SLC24A4: variants seen among roughly 807,000 people sequenced by gnomAD.
SLC24A4 encodes the protein solute carrier family 24 member 4.
In SLC24A4, 53 loss-of-function variants were observed where a neutral mutation model predicts 79.0. The ratio of observed to expected loss-of-function variants is 0.67; its 90% CI spans 0.54 to 0.84. The LOEUF (loss-of-function observed/expected upper bound fraction) is 0.84, where lower values mean the gene tolerates loss of function less well. Among genes scored for constraint, SLC24A4 ranks in the 40% least tolerant of loss-of-function variants. The pLI, the probability that SLC24A4 is intolerant of heterozygous loss-of-function variation, is 0.00. For synonymous variants in SLC24A4, 323 were observed against 323.8 expected (o/e 1.00, Z 0.03); for missense variants, 731 against 822.0 (o/e 0.89, Z 1.35).
intron 2 of SLC24A4, among the ~76,000 whole-genome samples, chr14:92,327,386 C>T (rs949058386): frequency 6.6e-6 from 1 of 152,200 alleles, no homozygotes; most frequent in African/African-American, 2.4e-5. Flanking sequence ...GGTGTCTCCT[C>T]TCATCAGCCA....
At chr14:92,352,037 TA>T (rs1886925816) in intron 2 of SLC24A4, among the ~76,000 whole-genome samples, 1 of 152,084 alleles carries the variant, frequency 6.6e-6, no homozygotes, top group Non-Finnish European at 1.5e-5. Context: ...CTGTTGGTAG[TA>T]AACAGAAATG....
intron 2 of SLC24A4, among the ~76,000 whole-genome samples, chr14:92,426,667 AG>A (rs1054294593): frequency 1.7e-4 from 26 of 152,154 alleles, no homozygotes; most frequent in African/African-American, 6.0e-4. Context: ...TTGGGACACA[AG>A]GGTGATGGTA....
At position 92,497,532 on chromosome 14, in the gene SLC24A4, T is replaced by C. The variant is rs1057289152; in HGVS notation, c.*3904T>C. 6.6e-6 allele frequency: 1 copy of C among 152,184 alleles called. No individual in the cohort carries two copies. The highest frequency in any genetic ancestry group is 2.4e-5 in the African/African-American group (1 of 41,422). The allele number at this position is 152,184 out of a possible 1,614,324, so 9.4% of individuals were successfully genotyped here. On this transcript the variant is annotated 3_prime_UTR_variant, in exon 17 of 17. Coordinates refer to ENST00000532405, the MANE Select transcript of SLC24A4 (RefSeq NM_153646.4). ...GAGTGGACAGAGGGACAGGAGAGGA[T>C]CAGAGTTCATCCCCCCTGGGAAAGA... is the stretch of plus-strand genomic sequence containing the variant.
intron 2 of SLC24A4, among the ~76,000 whole-genome samples, chr14:92,412,940 A>G (rs1890799630): frequency 6.6e-6 from 1 of 152,230 alleles, no homozygotes. Context: ...ATGACACATG[A>G]GAATGACAGA....
chr14:92,456,023 G>A (rs932631810), intron 11 of SLC24A4, among the ~76,000 whole-genome samples: 12 of 152,146 alleles, frequency 7.9e-5, no homozygotes, highest in African/African-American at 1.2e-4. Context: ...TTTGTATAAT[G>A]TACCTAAAAA....
chr14:92,458,508 G>C (rs559382677), intron 12 of SLC24A4, among the ~76,000 whole-genome samples: 1 of 152,336 alleles, frequency 6.6e-6, no homozygotes, highest in East Asian at 1.9e-4. Flanking sequence ...CACCAGGGCT[G>C]TGTGTGGGAC....
At chr14:92,369,733 T>A (rs1888044092) in intron 2 of SLC24A4, among the ~76,000 whole-genome samples, 1 of 152,204 alleles carries the variant, frequency 6.6e-6, no homozygotes. Context: ...GGGGCTGTCC[T>A]GTACATTATA....
chr14:92,384,673 G>T (rs1889049985), intron 2 of SLC24A4, among the ~76,000 whole-genome samples: 2 of 152,314 alleles, frequency 1.3e-5, no homozygotes, highest in Middle Eastern at 3.4e-3. Flanking sequence ...GGACTTGGAA[G>T]ATACTGAGGC....
chr14:92,400,831 A>G (rs1398186816), intron 2 of SLC24A4, among the ~76,000 whole-genome samples: 1 of 152,180 alleles, frequency 6.6e-6, no homozygotes, highest in Admixed American at 6.5e-5. Context: ...TGGGAGATGC[A>G]TACTTTGCAT....
At chr14:92,456,792 G>C (rs969948328) in intron 12 of SLC24A4, among the ~76,000 whole-genome samples, 184 bp downstream of exon 12, 1 of 152,190 alleles carries the variant, frequency 6.6e-6, no homozygotes, top group East Asian at 1.9e-4. Context: ...CTGTGGGTTA[G>C]AGCTGCAGTG....
intron 2 of SLC24A4, among the ~76,000 whole-genome samples, chr14:92,340,471 G>A (rs1428620326): frequency 1.3e-5 from 2 of 152,240 alleles, no homozygotes; most frequent in African/African-American, 2.4e-5. Context: ...TGCAGTAATA[G>A]GGTGGTGAGA....
intron 1 of SLC24A4, among the ~76,000 whole-genome samples, chr14:92,325,607 G>T (rs1296844958): frequency 2.6e-5 from 4 of 152,194 alleles, no homozygotes; most frequent in Non-Finnish European, 4.4e-5. Flanking sequence ...CCTATGAGGT[G>T]CTGAGACCAC....
At position 92,412,515 on chromosome 14, in the gene SLC24A4, GTCC is replaced by G. The variant is rs374048024; in HGVS notation, c.242-21392_242-21390del. On this transcript the variant is annotated intron_variant, in intron 2 of 16. Transcript: ENST00000532405. The stretch of plus-strand genomic sequence containing the variant: ...GATCTGCATTTGGTGGGACGCTTCT[GTCC>G]TCCTGGGCACAGGGTGTGTGGCCAC... Among the ~76,000 whole-genome samples, 655 of 152,282 alleles carry G rather than the reference GTCC, an allele frequency of 4.3e-3. 2 individuals are homozygous for G. Among genetic ancestry groups the G allele is most frequent in the African/African-American group, 0.015 (619 of 41,542 alleles).
At chr14:92,417,548 T>G (rs1488525230) in intron 2 of SLC24A4, among the ~76,000 whole-genome samples, 2 of 152,224 alleles carry the variant, frequency 1.3e-5, no homozygotes, top group African/African-American at 4.8e-5. Context: ...AAGTGTCCAG[T>G]ATTGATAGAC....
chr14:92,349,065 C>T (rs1007118586), intron 2 of SLC24A4, among the ~76,000 whole-genome samples: 4 of 151,700 alleles, frequency 2.6e-5, no homozygotes, highest in Admixed American at 1.3e-4. Context: ...AATGGGATAA[C>T]CCCCCTCTTC....
chr14:92,343,642 C>CTTTCCT (rs59611953), intron 2 of SLC24A4, among the ~76,000 whole-genome samples: 148 of 46,348 alleles, frequency 3.2e-3, no homozygotes, highest in Non-Finnish European at 5.1e-3. Context: ...CTTTCTTTCT[C>CTTTCCT]TCTTTCCTTC....
intron 2 of SLC24A4, among the ~76,000 whole-genome samples, chr14:92,358,153 A>G (rs2141658839): frequency 6.6e-6 from 1 of 152,290 alleles, no homozygotes; most frequent in South Asian, 2.1e-4. Context: ...CTTCAGTTCT[A>G]CCTAGAGGGG....
intron 2 of SLC24A4, among the ~76,000 whole-genome samples, chr14:92,366,774 T>G (rs556499573): frequency 2.0e-5 from 3 of 152,170 alleles, no homozygotes; most frequent in South Asian, 4.1e-4. Flanking sequence ...TCACTTCATG[T>G]TTTTCTGTGG....
chr14:92,436,149 G>A (rs1473536605), intron 3 of SLC24A4, among the ~76,000 whole-genome samples: 2 of 152,196 alleles, frequency 1.3e-5, no homozygotes, highest in Non-Finnish European at 2.9e-5. Context: ...TTACAATTAT[G>A]GTAGAAGGGG....
Sources: allele counts gnomAD v4.1 joint callset (sites outside exome capture counted in the v4.1 genomes callset), GRCh38; gene constraint gnomAD v4.1.1; transcripts MANE v1.5; gene names NCBI Gene and HGNC (gene_info 2026-07-23, HGNC 2026-07-21).